Variants in TMEM45B observed in about 807,000 individuals in gnomAD.
TMEM45B encodes the protein transmembrane protein 45B.
In TMEM45B, 29 loss-of-function variants were observed where a neutral mutation model predicts 27.3. That is an observed-to-expected ratio of 1.06 (90% confidence interval 0.79 to 1.45). TMEM45B has a LOEUF of 1.45. Among genes scored for constraint, TMEM45B ranks in the 40% most tolerant of loss-of-function variants. The probability of loss-of-function intolerance (pLI) is 0.00; values close to 1 mark genes in which losing one functional copy is unlikely to be tolerated. For synonymous variants in TMEM45B, 143 were observed against 134.7 expected (o/e 1.06, Z -0.43); for missense variants, 348 against 343.9 (o/e 1.01, Z -0.09).
At chr11:129,838,761 A>AG (rs1407944147) in intron 1 of TMEM45B, among the ~76,000 whole-genome samples, 1 of 152,212 alleles carries the variant, frequency 6.6e-6, no homozygotes, top group East Asian at 1.9e-4. Context: ...ACGTAATGTT[A>AG]GAGAGTGCTG....
intron 1 of TMEM45B, chr11:129,826,955 A>G (rs1461084996): frequency 6.6e-6 from 1 of 152,142 alleles, no homozygotes; most frequent in Non-Finnish European, 1.5e-5. Context: ...TCGACCTCCC[A>G]AAGTGTTGGG....
intron 1 of TMEM45B, among the ~76,000 whole-genome samples, chr11:129,837,493 G>C (rs1386784002): frequency 6.6e-6 from 1 of 150,946 alleles, no homozygotes; most frequent in Non-Finnish European, 1.5e-5. Flanking sequence ...CACTATGTTG[G>C]CCAGGCTGGT....
At chr11:129,820,810 T>G (rs1947409924) in intron 1 of TMEM45B, among the ~76,000 whole-genome samples, 1 of 152,198 alleles carries the variant, frequency 6.6e-6, no homozygotes, top group Non-Finnish European at 1.5e-5. Flanking sequence ...GTAGAAGGTT[T>G]TCATTGAGTT....
At chr11:129,855,541 C>A (rs758438154) in intron 3 of TMEM45B, among the ~76,000 whole-genome samples, 167 bp from the exon 4 acceptor site, 3 of 152,164 alleles carry the variant, frequency 2.0e-5, no homozygotes, top group Non-Finnish European at 4.4e-5. Context: ...GCTTTATACT[C>A]CTAACATACT....
chr11:129,834,204 G>T (rs1173026143), intron 1 of TMEM45B, among the ~76,000 whole-genome samples: 1 of 152,162 alleles, frequency 6.6e-6, no homozygotes, highest in Non-Finnish European at 1.5e-5. Flanking sequence ...GCTGAGGCAG[G>T]CGGATCACTT....
chr11:129,822,178 G>A (rs557546913), intron 1 of TMEM45B, among the ~76,000 whole-genome samples: 1 of 152,230 alleles, frequency 6.6e-6, no homozygotes, highest in East Asian at 1.9e-4. Flanking sequence ...TTGGCGAGAG[G>A]TGTGGTCTTC....
intron 1 of TMEM45B, among the ~76,000 whole-genome samples, chr11:129,836,680 C>T (rs1015903920): frequency 6.6e-6 from 1 of 152,144 alleles, no homozygotes; most frequent in African/African-American, 2.4e-5. Context: ...CATGTGAGGA[C>T]ACTGAGAGAA....
rs185667692 is a variant in TMEM45B at position 129,850,856 on chromosome 11, G to T, written c.-8-1619G>T. Among the ~76,000 whole-genome samples, 28 of 152,216 alleles carry T rather than the reference G, an allele frequency of 1.8e-4. No homozygotes were observed. In the East Asian group the frequency reaches 5.4e-3, roughly 29 times the overall value. On this transcript the variant is annotated intron_variant, in intron 1 of 5. Transcript: ENST00000281441. ...TTAGTGCTCCGTTCATGGCAATCCA[G>T]GCTTTTTTCAGCACTCACTTCAAAG...
At chr11:129,818,299 G>A (rs1487552243) in intron 1 of TMEM45B, among the ~76,000 whole-genome samples, 1 of 152,320 alleles carries the variant, frequency 6.6e-6, no homozygotes, top group East Asian at 1.9e-4. Flanking sequence ...AAAGCTAAAA[G>A]GTCTATCAGC....
intron 5 of TMEM45B, among the ~76,000 whole-genome samples, chr11:129,858,164 G>A (rs372726972): frequency 6.6e-6 from 1 of 152,120 alleles, no homozygotes; most frequent in Admixed American, 6.5e-5. Flanking sequence ...TTTGCTGTTC[G>A]GCTGCCTCTA....
chr11:129,819,023 C>CA (rs1947385375), intron 1 of TMEM45B, among the ~76,000 whole-genome samples: 1 of 152,192 alleles, frequency 6.6e-6, no homozygotes, highest in African/African-American at 2.4e-5. Flanking sequence ...AGGTCTGTGA[C>CA]AGCAAACATA....
At chr11:129,835,767 AG>A (rs1376020106) in intron 1 of TMEM45B, among the ~76,000 whole-genome samples, 1 of 152,204 alleles carries the variant, frequency 6.6e-6, no homozygotes, top group Non-Finnish European at 1.5e-5. Context: ...CCTGGAAGGC[AG>A]GGCCACCCTG....
At chr11:129,836,851 G>A (rs1222971517) in intron 1 of TMEM45B, among the ~76,000 whole-genome samples, 3 of 152,178 alleles carry the variant, frequency 2.0e-5, no homozygotes, top group African/African-American at 7.2e-5. Context: ...AGGACTCAGT[G>A]GTGATTCATG....
At chr11:129,849,137 G>A (rs892366936) in intron 1 of TMEM45B, among the ~76,000 whole-genome samples, 16 of 152,098 alleles carry the variant, frequency 1.1e-4, no homozygotes, top group African/African-American at 3.9e-4. Flanking sequence ...TAAAATCTAA[G>A]TCCAGAATCT....
intron 1 of TMEM45B, among the ~76,000 whole-genome samples, chr11:129,836,862 C>A (rs1482263942): frequency 6.6e-6 from 1 of 152,172 alleles, no homozygotes; most frequent in Non-Finnish European, 1.5e-5. Flanking sequence ...GTGATTCATG[C>A]TTACAACATG....
chr11:129,823,159 A>G (rs1947440866), intron 1 of TMEM45B, among the ~76,000 whole-genome samples: 2 of 152,136 alleles, frequency 1.3e-5, no homozygotes, highest in African/African-American at 4.8e-5. Flanking sequence ...TTTTTCTAAT[A>G]TCTCTAGAAT....
At chr11:129,857,223 C>CA in intron 4 of TMEM45B, 90 bp from the exon 5 acceptor site, 1 of 1,500,282 alleles carries the variant, frequency 6.7e-7, no homozygotes, top group Non-Finnish European at 9.2e-7. Flanking sequence ...GGTGGTCACA[C>CA]ATGGGCCACT....
chr11:129,854,893 A>T, intron 3 of TMEM45B, 77 bp downstream of exon 3: 1 of 1,532,590 alleles, frequency 6.5e-7, no homozygotes, highest in Non-Finnish European at 8.9e-7. Flanking sequence ...ACAAAATATC[A>T]GAAATGTTGC....
chr11:129,842,693 C>G (rs558387942), intron 1 of TMEM45B, among the ~76,000 whole-genome samples: 1 of 152,234 alleles, frequency 6.6e-6, no homozygotes, highest in African/African-American at 2.4e-5. Flanking sequence ...GGTAAAACTC[C>G]TAGAAGAAAA....
Sources: allele counts gnomAD v4.1 joint callset (sites outside exome capture counted in the v4.1 genomes callset), GRCh38; gene constraint gnomAD v4.1.1; transcripts MANE v1.5; gene names NCBI Gene and HGNC (gene_info 2026-07-23, HGNC 2026-07-21).